The following RAB30 variants were observed in gnomAD, a reference collection of about 807,000 sequenced individuals.
RAB30 encodes RAB30, member RAS oncogene family, also known as ras-related protein Rab-30.
A neutral mutation model predicts 25.1 loss-of-function variants in RAB30; 9 were observed. That is an observed-to-expected ratio of 0.36 (90% CI 0.22 to 0.63). The LOEUF is 0.63. Ranked by LOEUF, RAB30 falls within the 20% of genes least tolerant of loss-of-function variation. The pLI is 0.69. For synonymous variants in RAB30, 77 were observed against 86.4 expected (o/e 0.89, Z 0.60); for missense variants, 140 against 243.5 (o/e 0.58, Z 2.83).
chr11:83,033,395 G>T (rs1219559631), intron 1 of RAB30, among the ~76,000 whole-genome samples: 1 of 152,036 alleles, frequency 6.6e-6, no homozygotes, highest in East Asian at 1.9e-4. Context: ...ACACAAAGCT[G>T]GGAGGGATGT....
At chr11:83,015,138 A>G (rs1216138469) in intron 1 of RAB30, among the ~76,000 whole-genome samples, 3 of 152,250 alleles carry the variant, frequency 2.0e-5, no homozygotes, top group Non-Finnish European at 4.4e-5. Flanking sequence ...GAAATGTGAC[A>G]CAAACCAATT....
chr11:82,996,166 C>G (rs958984127), intron 2 of RAB30, among the ~76,000 whole-genome samples: 1 of 152,206 alleles, frequency 6.6e-6, no homozygotes, highest in Non-Finnish European at 1.5e-5. Context: ...ATGGGAAAAA[C>G]CCTGACATTT....
intron 1 of RAB30, among the ~76,000 whole-genome samples, chr11:83,064,676 C>T (rs1468922991): frequency 6.6e-6 from 1 of 152,186 alleles, no homozygotes; most frequent in Admixed American, 6.5e-5. Flanking sequence ...ATCACTACCT[C>T]CTGAAGCAGC....
chr11:83,008,664 C>G (rs1397540181), intron 1 of RAB30, among the ~76,000 whole-genome samples: 2 of 152,102 alleles, frequency 1.3e-5, no homozygotes. Flanking sequence ...AATTTTCCCT[C>G]AGCAGGGATG....
intron 1 of RAB30, among the ~76,000 whole-genome samples, chr11:83,048,621 C>T (rs1251007806): frequency 6.6e-6 from 1 of 152,118 alleles, no homozygotes; most frequent in Non-Finnish European, 1.5e-5. Flanking sequence ...AAACATTGGC[C>T]CCTCTGCTGA....
intron 1 of RAB30, among the ~76,000 whole-genome samples, chr11:83,068,420 C>T (rs974423086): frequency 1.3e-5 from 2 of 152,130 alleles, no homozygotes; most frequent in African/African-American, 4.8e-5. Flanking sequence ...TACACATTCA[C>T]TCTGACCAAG....
At chr11:83,022,152 G>A (rs1419910124) in intron 1 of RAB30, among the ~76,000 whole-genome samples, 1 of 152,014 alleles carries the variant, frequency 6.6e-6, no homozygotes, top group Non-Finnish European at 1.5e-5. Context: ...TATTAGGGGT[G>A]GGGGTGAAGG....
chr11:83,029,987 G>A (rs4619175), intron 1 of RAB30, among the ~76,000 whole-genome samples: 85,557 of 151,936 alleles, frequency 0.56, 24,524 homozygotes, highest in African/African-American at 0.69. Context: ...GAACTAAGCT[G>A]TGAGGACACA....
chr11:83,066,896 C>T (rs1337938213), intron 1 of RAB30, among the ~76,000 whole-genome samples: 1 of 152,156 alleles, frequency 6.6e-6, no homozygotes, highest in Non-Finnish European at 1.5e-5. Context: ...TTACATTTGG[C>T]ATCTGTATTA....
chr11:82,983,927 T>C (rs982481081), intron 4 of RAB30, among the ~76,000 whole-genome samples: 3 of 152,148 alleles, frequency 2.0e-5, no homozygotes, highest in African/African-American at 7.2e-5. Context: ...AGCAAATGAG[T>C]AATTATGCTG....
intron 1 of RAB30, among the ~76,000 whole-genome samples, chr11:83,028,345 T>C (rs1857773920): frequency 6.6e-6 from 1 of 151,830 alleles, no homozygotes; most frequent in Admixed American, 6.6e-5. Context: ...ATTCTAAAGG[T>C]CCAGTACAGG....
intron 1 of RAB30, among the ~76,000 whole-genome samples, chr11:83,060,704 T>C (rs1052174240): frequency 9.2e-5 from 14 of 152,124 alleles, no homozygotes; most frequent in African/African-American, 3.4e-4. Context: ...AAGGGTACTG[T>C]GGTGGTTAAT....
At chr11:83,050,997 T>C (rs1036595557) in intron 1 of RAB30, among the ~76,000 whole-genome samples, 2 of 152,232 alleles carry the variant, frequency 1.3e-5, no homozygotes, top group Admixed American at 1.3e-4. Flanking sequence ...CAAACCTATT[T>C]TGTTTTCTTC....
At chr11:83,015,225 T>C (rs569406385) in intron 1 of RAB30, among the ~76,000 whole-genome samples, 99 of 152,266 alleles carry the variant, frequency 6.5e-4, no homozygotes, top group African/African-American at 2.3e-3. Flanking sequence ...CAAACAAGAC[T>C]AGTTAGGAGG....
At position 82,975,122 on chromosome 11, in the gene RAB30, A is replaced by G. The variant is rs1856521968; in HGVS notation, c.*7043T>C. ...TGAAATTTTCTATCACAGGGACATG[A>G]AAGCCTAAACCGGCCTTAAAGGGAT... is the stretch of plus-strand genomic sequence containing the variant. On this transcript the variant is annotated 3_prime_UTR_variant, in exon 5 of 5. Coordinates refer to ENST00000527633, the MANE Select transcript of RAB30 (RefSeq NM_001286060.2). The G allele has an allele frequency of 6.6e-6, 1 of 152,126 alleles. No homozygotes were observed. Among genetic ancestry groups the G allele is most frequent in the Non-Finnish European group, 1.5e-5 (1 of 67,978 alleles). 9.4% of individuals were successfully genotyped at this position (152,126 alleles called of 1,614,324 possible).
chr11:83,014,094 C>CAATG (rs1461208748), intron 1 of RAB30, among the ~76,000 whole-genome samples: 1 of 152,068 alleles, frequency 6.6e-6, no homozygotes, highest in African/African-American at 2.4e-5. Context: ...AAAAATAGAG[C>CAATG]AATGAATGAA....
At chr11:83,054,745 T>C (rs1035110700) in intron 1 of RAB30, among the ~76,000 whole-genome samples, 2 of 151,682 alleles carry the variant, frequency 1.3e-5, no homozygotes, top group East Asian at 1.9e-4. Context: ...TGTGCACCTG[T>C]AGCCCCAGCT....
intron 1 of RAB30, among the ~76,000 whole-genome samples, chr11:83,067,192 T>C (rs1417935110): frequency 3.3e-5 from 5 of 152,208 alleles, no homozygotes; most frequent in Non-Finnish European, 7.3e-5. Context: ...CCTGAGTGAA[T>C]TCCTCCGAAG....
chr11:83,068,661 C>A (rs1391105469), intron 1 of RAB30, among the ~76,000 whole-genome samples: 1 of 152,170 alleles, frequency 6.6e-6, no homozygotes, highest in African/African-American at 2.4e-5. Context: ...AACTTCCTTT[C>A]AAATCCTCAG....
Sources: allele counts gnomAD v4.1 joint callset (sites outside exome capture counted in the v4.1 genomes callset), GRCh38; gene constraint gnomAD v4.1.1; transcripts MANE v1.5; gene names NCBI Gene and HGNC (gene_info 2026-07-23, HGNC 2026-07-21).